Variants in DESI1 observed in about 807,000 individuals in gnomAD.
DESI1 encodes desumoylating isopeptidase 1.
Under a neutral mutation model 22.4 loss-of-function variants are expected in DESI1, and 17 were observed. The observed-to-expected ratio is 0.76, with a 90% CI of 0.52 to 1.14. The LOEUF is 1.14. Among genes scored for constraint, DESI1 ranks in the 50% most tolerant of loss-of-function variants. The probability of loss-of-function intolerance (pLI) is 0.00; values close to 1 mark genes in which losing one functional copy is unlikely to be tolerated. For synonymous variants in DESI1, 92 were observed against 84.2 expected, an observed-to-expected ratio of 1.09 and a Z score of -0.51; for missense variants, 177 against 208.9, an observed-to-expected ratio of 0.85 and a Z score of 0.94.
chr22:41,612,513 A>AG, intron 1 of DESI1, among the ~76,000 whole-genome samples: 1 of 90,592 alleles, frequency 1.1e-5, no homozygotes, highest in East Asian at 5.8e-4. Context: ...TCTCAAAAAA[A>AG]GAAAAAAAAA....
intron 3 of DESI1, among the ~76,000 whole-genome samples, chr22:41,606,981 A>C (rs940248383): frequency 6.6e-6 from 1 of 151,996 alleles, no homozygotes; most frequent in Non-Finnish European, 1.5e-5. Flanking sequence ...TGGAGATGGA[A>C]GGTCTCAGCT....
chr22:41,604,046 G>T lies in DESI1; in HGVS notation c.288C>A (p.Phe96Leu), dbSNP rs1452686022. Residue 96 changes from phenylalanine (F) to leucine (L), a missense_variant and splice_region_variant, in exon 4 of 6, where the codon TTC (phenylalanine) becomes TTA (leucine). Physicochemically the swap from Phe to Leu is conservative, Grantham distance 22. Coordinates refer to ENST00000263256, the MANE Select transcript of DESI1 (RefSeq NM_015704.3). ...EYLSSLGESL[F>L]RGEAYNLFEH... Reference sequence around the variant, plus strand: ...CCACCACCCCTGTCTCCACTCACCGGAACAGGGACTCCCCCAGGGAGGAGA... The same window carrying T: ...CCACCACCCCTGTCTCCACTCACCGTAACAGGGACTCCCCCAGGGAGGAGA... 1.2e-6 allele frequency: 2 copies of T among 1,612,602 alleles called. No individual in the cohort carries two copies. Among genetic ancestry groups the T allele is most frequent in the Non-Finnish European group, 1.7e-6 (2 of 1,179,330 alleles).
At chr22:41,611,588 C>T (rs1054683509) in intron 1 of DESI1, among the ~76,000 whole-genome samples, 4 of 117,364 alleles carry the variant, frequency 3.4e-5, no homozygotes, top group African/African-American at 9.9e-5. Flanking sequence ...TTACCTGTTC[C>T]TTCTTTTTTT....
At chr22:41,617,424 C>T (rs1404582528) in intron 1 of DESI1, among the ~76,000 whole-genome samples, 1 of 152,200 alleles carries the variant, frequency 6.6e-6, no homozygotes, top group Admixed American at 6.5e-5. Flanking sequence ...TATTAATATA[C>T]TTCTAGAATT....
At chr22:41,615,028 G>A (rs1436450357) in intron 1 of DESI1, among the ~76,000 whole-genome samples, 1 of 151,602 alleles carries the variant, frequency 6.6e-6, no homozygotes, top group Admixed American at 6.6e-5. Context: ...GCCACATGCA[G>A]TGGCTCACGC....
At position 41,608,617 on chromosome 22, in the gene DESI1, G is replaced by A. The variant is rs568725068; in HGVS notation, c.89-756C>T. Among the ~76,000 whole-genome samples the A allele has an allele frequency of 6.6e-5, 10 of 152,310 alleles. No individual in the cohort carries two copies. In the South Asian group the frequency reaches 1.9e-3, roughly 28 times the overall value. ...GAAGGGGGCAGTGATGGTGCCAAGG[G>A]GAGGAGCGGCCAACAGGATGGCCAG... On this transcript the variant is annotated intron_variant, in intron 1 of 5. Transcript: ENST00000263256.
In DESI1 at chr22:41,598,779, A is replaced by T. The variant is rs964204343; in HGVS notation, c.*2318T>A. 2 of 152,358 alleles carry T rather than the reference A, an allele frequency of 1.3e-5. No homozygotes were observed. Among genetic ancestry groups the T allele is most frequent in the African/African-American group, 4.8e-5 (2 of 41,466 alleles). 9.4% of individuals were successfully genotyped at this position (152,358 alleles called of 1,614,324 possible). A position where few individuals can be genotyped will look rare whatever the true frequency, so the allele number is the denominator to read the frequency against. ...GAACAACACTGGTGGGAAACAGAGC[A>T]CTGGCCAAGACCAACCTGCTACCCT... is the stretch of plus-strand genomic sequence containing the variant. On this transcript the variant is annotated 3_prime_UTR_variant, in exon 6 of 6. Coordinates refer to ENST00000263256, the MANE Select transcript of DESI1 (RefSeq NM_015704.3).
intron 1 of DESI1, among the ~76,000 whole-genome samples, chr22:41,608,079 A>C (rs1261377009): frequency 2.6e-5 from 4 of 152,226 alleles, no homozygotes; most frequent in African/African-American, 9.6e-5. Context: ...TGCAAGATTA[A>C]AAACACTAGT....
At chr22:41,608,164 C>T (rs2067493800) in intron 1 of DESI1, among the ~76,000 whole-genome samples, 1 of 152,242 alleles carries the variant, frequency 6.6e-6, no homozygotes, top group African/African-American at 2.4e-5. Flanking sequence ...TTTAACTTCT[C>T]TGTCTCACGT....
chr22:41,620,782 G>A lies in DESI1; in HGVS notation c.58C>T (p.Leu20=), dbSNP rs1252214333. Reference sequence around the variant, plus strand: ...ATGATGGGGCTGAGCCGCCGGGCCAGGCCTTTGGACAGGTCGTACACGTAG... The same window carrying A: ...ATGATGGGGCTGAGCCGCCGGGCCAAGCCTTTGGACAGGTCGTACACGTAG... The part of the protein sequence containing the change: ...KLYVYDLSKG[L]ARRLSPIMLG... The change falls in exon 1 of 6, where the codon CTG becomes TTG. Residue 20 remains leucine (L), a synonymous_variant. Coordinates refer to ENST00000263256, the MANE Select transcript of DESI1 (RefSeq NM_015704.3). 6.2e-7 allele frequency: 1 copy of A among 1,612,682 alleles called. No homozygotes were observed. The highest frequency in any genetic ancestry group is 1.1e-5 in the South Asian group (1 of 90,852).
At chr22:41,606,257 C>G (rs1451716933) in intron 3 of DESI1, among the ~76,000 whole-genome samples, 1 of 151,136 alleles carries the variant, frequency 6.6e-6, no homozygotes, top group Non-Finnish European at 1.5e-5. Flanking sequence ...TCAGGTGGCT[C>G]AAGTGGGAGG....
At chr22:41,611,008 C>G (rs955939108) in intron 1 of DESI1, among the ~76,000 whole-genome samples, 1 of 152,138 alleles carries the variant, frequency 6.6e-6, no homozygotes, top group Non-Finnish European at 1.5e-5. Flanking sequence ...TGATGAGAAC[C>G]AGACTGGATG....
intron 3 of DESI1, among the ~76,000 whole-genome samples, chr22:41,605,519 T>G (rs1323614511): frequency 6.6e-6 from 1 of 152,168 alleles, no homozygotes; most frequent in Non-Finnish European, 1.5e-5. Flanking sequence ...TTCTGGGCAC[T>G]GAGGAAAGCA....
intron 3 of DESI1, among the ~76,000 whole-genome samples, chr22:41,606,584 C>T (rs1351231667): frequency 2.6e-5 from 4 of 151,696 alleles, no homozygotes; most frequent in African/African-American, 9.7e-5. Context: ...TCAGCCTGGC[C>T]AACATGCTGA....
Position 41,600,921 on chromosome 22 carries a change from T to G in DESI1, c.*176A>C, listed in dbSNP as rs72547430. ...TATTAGAAGGGGTGGCATTTTGTTC[T>G]GTTTCTTAGCAGCATTGTCTACATG... On this transcript the variant is annotated 3_prime_UTR_variant, in exon 6 of 6. Transcript: ENST00000263256. 229 of 616,118 alleles carry G rather than the reference T, an allele frequency of 3.7e-4. No individual in the cohort carries two copies. The highest frequency in any genetic ancestry group is 8.8e-4 in the Admixed American group (30 of 34,188). The allele number at this position is 616,118 out of a possible 1,614,324, so 38.2% of individuals were successfully genotyped here.
At chr22:41,615,994 G>C (rs1029653592) in intron 1 of DESI1, among the ~76,000 whole-genome samples, 2 of 152,250 alleles carry the variant, frequency 1.3e-5, no homozygotes, top group Admixed American at 1.3e-4. Flanking sequence ...GGTTTGTTCA[G>C]CATTTTGGGA....
At chr22:41,614,002 A>G (rs2067533584) in intron 1 of DESI1, among the ~76,000 whole-genome samples, 1 of 152,104 alleles carries the variant, frequency 6.6e-6, no homozygotes, top group African/African-American at 2.4e-5. Flanking sequence ...GAGTGGAGAT[A>G]GGGACTATAG....
intron 1 of DESI1, among the ~76,000 whole-genome samples, chr22:41,617,255 G>A (rs1158129811): frequency 1.3e-5 from 2 of 152,096 alleles, no homozygotes; most frequent in African/African-American, 2.4e-5. Context: ...CTGGGACCTG[G>A]GGCAAATTCC....
intron 2 of DESI1, among the ~76,000 whole-genome samples, 181 bp from the exon 3 acceptor site, chr22:41,607,512 G>A (rs931559583): frequency 1.3e-5 from 2 of 152,152 alleles, no homozygotes; most frequent in Non-Finnish European, 2.9e-5. Flanking sequence ...TCTCAATCTT[G>A]GCACTATTGA....
Sources: gnomAD v4.1 joint callset for allele counts (sites outside exome capture counted in the v4.1 genomes callset) on GRCh38, gnomAD v4.1.1 for gene constraint, MANE v1.5 for transcripts, NCBI Gene and HGNC (gene_info 2026-07-23, HGNC 2026-07-21) for gene names.